PDZD2: variants seen among roughly 807,000 people sequenced by gnomAD.
The protein encoded by PDZD2 is PDZ domain containing 2, also known as PDZ domain-containing protein 2.
In PDZD2, 90 loss-of-function variants were observed where a neutral mutation model predicts 220.7. The observed-to-expected ratio is 0.41, with a 90% CI of 0.34 to 0.49. PDZD2 has a LOEUF of 0.49. Ranked by LOEUF, PDZD2 falls within the 20% of genes least tolerant of loss-of-function variation. The pLI is 0.28. For missense variants in PDZD2, 3,174 were observed against 3,608.5 expected, an observed-to-expected ratio of 0.88 and a Z score of 3.08; for synonymous variants, 1,375 against 1,450.5, an observed-to-expected ratio of 0.95 and a Z score of 1.18.
chr5:32,081,267 TG>T (rs1741927220), intron 19 of PDZD2, among the ~76,000 whole-genome samples: 1 of 152,096 alleles, frequency 6.6e-6, no homozygotes, highest in African/African-American at 2.4e-5. Context: ...TTGCCCTCTC[TG>T]GATTTCCCAT....
intron 1 of PDZD2, among the ~76,000 whole-genome samples, chr5:31,724,109 A>T (rs1457791723): frequency 3.3e-5 from 5 of 152,232 alleles, no homozygotes; most frequent in Admixed American, 6.5e-5. Context: ...CTGTAAAAAA[A>T]CTAAGCAATA....
chr5:32,033,766 C>G (rs1413310891), intron 6 of PDZD2, among the ~76,000 whole-genome samples: 2 of 152,056 alleles, frequency 1.3e-5, no homozygotes, highest in African/African-American at 4.8e-5. Context: ...ACTACAGGCA[C>G]TCACCACCAC....
intron 2 of PDZD2, among the ~76,000 whole-genome samples, chr5:31,883,023 CAAAAAAAAAA>C (rs781370177): frequency 4.2e-5 from 2 of 47,950 alleles, no homozygotes; most frequent in African/African-American, 7.6e-5. Context: ...GACTCTGTCT[CAAAAAAAAAA>C]AAAAAAAAAA....
chr5:31,856,001 A>C (rs930079295), intron 2 of PDZD2, among the ~76,000 whole-genome samples: 2 of 152,224 alleles, frequency 1.3e-5, no homozygotes, highest in Admixed American at 1.3e-4. Context: ...AACAGTAAAC[A>C]AATGCTTTTC....
chr5:31,789,714 T>C (rs1458353673), intron 1 of PDZD2, among the ~76,000 whole-genome samples: 1 of 152,066 alleles, frequency 6.6e-6, no homozygotes, highest in Non-Finnish European at 1.5e-5. Flanking sequence ...GAGTCAGGAG[T>C]TTGAGACCAG....
At chr5:32,021,753 G>C (rs1034738773) in intron 6 of PDZD2, among the ~76,000 whole-genome samples, 28 of 152,194 alleles carry the variant, frequency 1.8e-4, no homozygotes, top group African/African-American at 6.5e-4. Context: ...TGTTGGTAAA[G>C]CTTTTGTTTG....
intron 6 of PDZD2, among the ~76,000 whole-genome samples, chr5:32,011,262 G>A (rs1229363610): frequency 5.3e-5 from 8 of 151,588 alleles, no homozygotes; most frequent in African/African-American, 1.5e-4. Flanking sequence ...GCCAAGGTGG[G>A]TGGATTGCTT....
At chr5:31,740,016 G>T (rs995652668) in intron 1 of PDZD2, among the ~76,000 whole-genome samples, 1 of 152,006 alleles carries the variant, frequency 6.6e-6, no homozygotes, top group African/African-American at 2.4e-5. Flanking sequence ...ACAAACAAAT[G>T]CCTGGAACAT....
At chr5:32,082,337 T>A (rs1742056141) in intron 19 of PDZD2, among the ~76,000 whole-genome samples, 1 of 152,028 alleles carries the variant, frequency 6.6e-6, no homozygotes, top group South Asian at 2.1e-4. Context: ...ATATCTTTTT[T>A]AAAACTGAAA....
At chr5:31,749,011 CT>C (rs1750767672) in intron 1 of PDZD2, among the ~76,000 whole-genome samples, 1 of 152,106 alleles carries the variant, frequency 6.6e-6, no homozygotes, top group African/African-American at 2.4e-5. Context: ...TCTCCAGTCC[CT>C]TGTCAGCACT....
chr5:31,755,912 T>C (rs1751280961), intron 1 of PDZD2, among the ~76,000 whole-genome samples: 1 of 152,036 alleles, frequency 6.6e-6, no homozygotes. Context: ...GACGTGGCCT[T>C]GGCAATAGAC....
intron 1 of PDZD2, among the ~76,000 whole-genome samples, chr5:31,783,952 C>T (rs1428889110): frequency 1.3e-5 from 2 of 152,200 alleles, no homozygotes; most frequent in Non-Finnish European, 2.9e-5. Flanking sequence ...CTCTGACTGT[C>T]ACTGAGTCTC....
At chr5:31,985,665 T>G (rs529847905) in intron 3 of PDZD2, among the ~76,000 whole-genome samples, 1 of 152,152 alleles carries the variant, frequency 6.6e-6, no homozygotes, top group Non-Finnish European at 1.5e-5. Context: ...CCACCCTTCA[T>G]CCTGGTCAAC....
chr5:31,902,543 T>G (rs1466555104), intron 2 of PDZD2, among the ~76,000 whole-genome samples: 1 of 147,940 alleles, frequency 6.8e-6, no homozygotes, highest in Admixed American at 6.8e-5. Context: ...AAGGCAGGGG[T>G]GCAATTTCAG....
intron 1 of PDZD2, among the ~76,000 whole-genome samples, chr5:31,717,100 A>G (rs1287062738): frequency 6.6e-6 from 1 of 152,204 alleles, no homozygotes; most frequent in Non-Finnish European, 1.5e-5. Context: ...ATGCCAAAAC[A>G]TTAAGAATAA....
chr5:31,988,899 A>C (rs1423220), intron 3 of PDZD2, among the ~76,000 whole-genome samples: 7,442 of 152,142 alleles, frequency 0.049, 585 homozygotes, highest in African/African-American at 0.17. Flanking sequence ...TCTCTGTGAC[A>C]TTCCTGCCGC....
chr5:31,764,691 C>T (rs1208428498), intron 1 of PDZD2, among the ~76,000 whole-genome samples: 2 of 152,204 alleles, frequency 1.3e-5, no homozygotes, highest in African/African-American at 4.8e-5. Context: ...TCTTCCTCCT[C>T]TTCCCGTTTT....
intron 19 of PDZD2, among the ~76,000 whole-genome samples, chr5:32,082,021 C>CT (rs1261150161): frequency 2.6e-5 from 3 of 114,336 alleles, no homozygotes; most frequent in Non-Finnish European, 5.5e-5. Context: ...CCTGGCATAT[C>CT]TTTGTTTTTT....
At chr5:31,647,370 T>C (rs1019998957) in intron 1 of PDZD2, among the ~76,000 whole-genome samples, 1 of 152,218 alleles carries the variant, frequency 6.6e-6, no homozygotes, top group Non-Finnish European at 1.5e-5. Flanking sequence ...CGTCAGAAAT[T>C]AGCACAAACT....
Sources: allele counts gnomAD v4.1 joint callset (sites outside exome capture counted in the v4.1 genomes callset), GRCh38; gene constraint gnomAD v4.1.1; transcripts MANE v1.5; gene names NCBI Gene and HGNC (gene_info 2026-07-23, HGNC 2026-07-21).